The following CLVS1 variants were observed in gnomAD, a reference collection of about 807,000 sequenced individuals.
The protein encoded by CLVS1 is clavesin-1.
CLVS1 carries 10 observed loss-of-function variants against 33.1 expected under a neutral mutation model. The ratio of observed to expected loss-of-function variants is 0.30; its 90% CI spans 0.19 to 0.51. The LOEUF (loss-of-function observed/expected upper bound fraction) is 0.51. Ranked by LOEUF, CLVS1 falls within the 20% of genes least tolerant of loss-of-function variation. The pLI is 0.97. For synonymous variants in CLVS1, 163 were observed against 166.1 expected (o/e 0.98, Z 0.14); for missense variants, 343 against 433.4 (o/e 0.79, Z 1.85).
At chr8:60,984,451 G>A in the CLVS1 span, among the ~76,000 whole-genome samples, 1 of 151,764 alleles carries the variant, frequency 6.6e-6, no homozygotes, top group Non-Finnish European at 1.5e-5. Context: ...CTCCTGAGTA[G>A]CTGAGATCTG....
the CLVS1 span, among the ~76,000 whole-genome samples, chr8:61,016,282 C>A: frequency 6.6e-6 from 1 of 152,230 alleles, no homozygotes; most frequent in South Asian, 2.1e-4. Flanking sequence ...TGGTCTCAAG[C>A]ATTTTGGGTA....
In CLVS1 at chr8:61,442,374, T is replaced by C. The variant is rs577775533; in HGVS notation, c.631-11767T>C. Among the ~76,000 whole-genome samples the C allele has an allele frequency of 4.2e-4, 64 of 152,338 alleles. No homozygotes were observed. In the Middle Eastern group the frequency reaches 0.01, roughly 24 times the overall value. On this transcript the variant is annotated intron_variant, in intron 3 of 5. Coordinates refer to ENST00000325897, the MANE Select transcript of CLVS1 (RefSeq NM_173519.3). ...GGGACATGTGAGTTGTTTCCACTTT[T>C]TATTACAAATAGAGCTGCTGTGAGT...
At chr8:61,452,650 A>C (rs1319771999) in intron 3 of CLVS1, among the ~76,000 whole-genome samples, 1 of 152,244 alleles carries the variant, frequency 6.6e-6, no homozygotes, top group Non-Finnish European at 1.5e-5. Context: ...TTGGAATAGC[A>C]AGTTAGTGTA....
intron 1 of CLVS1, among the ~76,000 whole-genome samples, chr8:61,088,487 CAAAAAAAA>C (rs59394782): frequency 9.5e-6 from 1 of 105,336 alleles, no homozygotes; most frequent in African/African-American, 3.1e-5. Flanking sequence ...GAGACTGTCT[CAAAAAAAA>C]AAAAAAAAAA....
At chr8:61,360,707 A>G (rs993619162) in intron 2 of CLVS1, among the ~76,000 whole-genome samples, 4 of 152,206 alleles carry the variant, frequency 2.6e-5, no homozygotes, top group Admixed American at 2.6e-4. Context: ...ATTAGGCATA[A>G]GAAAGAATAT....
At chr8:61,425,607 C>T (rs913834576) in intron 3 of CLVS1, among the ~76,000 whole-genome samples, 1 of 152,182 alleles carries the variant, frequency 6.6e-6, no homozygotes, top group Non-Finnish European at 1.5e-5. Context: ...CAGTCACCCC[C>T]AGTACTCCCC....
chr8:61,279,064 G>A (rs1393984968), intron 2 of CLVS1, among the ~76,000 whole-genome samples: 1 of 152,216 alleles, frequency 6.6e-6, no homozygotes, highest in Non-Finnish European at 1.5e-5. Flanking sequence ...AGATTTTAGG[G>A]TGTGGGAGCC....
chr8:61,050,041 C>A, the CLVS1 span, among the ~76,000 whole-genome samples: 4 of 152,248 alleles, frequency 2.6e-5, no homozygotes, highest in Non-Finnish European at 5.9e-5. Context: ...CTGCTGAATG[C>A]GCACTGGACT....
At chr8:61,205,895 T>C (rs1308764209) in intron 2 of CLVS1, among the ~76,000 whole-genome samples, 1 of 152,208 alleles carries the variant, frequency 6.6e-6, no homozygotes, top group African/African-American at 2.4e-5. Flanking sequence ...CTAAATTGTT[T>C]ATATTTTTAG....
At chr8:61,011,287 A>G in the CLVS1 span, among the ~76,000 whole-genome samples, 6 of 152,018 alleles carry the variant, frequency 3.9e-5, no homozygotes, top group Non-Finnish European at 7.4e-5. Context: ...TAAATTCCCA[A>G]TTCTTACTGT....
At chr8:61,332,963 C>A (rs900252614) in intron 2 of CLVS1, among the ~76,000 whole-genome samples, 1 of 152,200 alleles carries the variant, frequency 6.6e-6, no homozygotes, top group African/African-American at 2.4e-5. Context: ...CTTCCATCTT[C>A]ATGTATAAAG....
the CLVS1 span, among the ~76,000 whole-genome samples, chr8:60,976,096 C>A: frequency 1.3e-5 from 2 of 152,180 alleles, no homozygotes; most frequent in East Asian, 3.8e-4. Context: ...TTTGATCTTT[C>A]AATTCTGACC....
intron 5 of CLVS1, among the ~76,000 whole-genome samples, chr8:61,476,207 G>A (rs1817922237): frequency 6.6e-6 from 1 of 152,164 alleles, no homozygotes; most frequent in Non-Finnish European, 1.5e-5. Context: ...TAGCCTTGTA[G>A]CATAGTTTGA....
intron 5 of CLVS1, among the ~76,000 whole-genome samples, chr8:61,461,240 A>G (rs1817355315): frequency 6.6e-6 from 1 of 152,230 alleles, no homozygotes; most frequent in Non-Finnish European, 1.5e-5. Context: ...AAAATGAGTT[A>G]TCCAATTGGA....
intron 2 of CLVS1, among the ~76,000 whole-genome samples, chr8:61,166,835 C>T (rs1806875714): frequency 6.7e-6 from 1 of 150,002 alleles, no homozygotes; most frequent in South Asian, 2.1e-4. Context: ...GTTCTATGGT[C>T]AAAAGTCGCC....
chr8:61,277,613 G>A (rs1248624120), intron 2 of CLVS1, among the ~76,000 whole-genome samples: 2 of 152,098 alleles, frequency 1.3e-5, no homozygotes, highest in Non-Finnish European at 2.9e-5. Context: ...GGCCTCATTT[G>A]TTCTTCCCAA....
In CLVS1 at chr8:61,300,037, T is replaced by G; in HGVS notation, c.210T>G (p.Arg70=). 1 of 1,614,044 alleles carries G rather than the reference T, an allele frequency of 6.2e-7. No individual in the cohort carries two copies. ...CCAGGCCTGACATTGGATTTTTACG[T>G]ACAGATGATGCCTTCATCCTGAGAT... ...IITRPDIGFL[R]TDDAFILRFL... is the part of the protein sequence containing the mutation. The change falls in exon 2 of 6, where the codon CGT becomes CGG. Residue 70 remains arginine (R), a synonymous_variant. Transcript: ENST00000325897.
At position 61,183,264 on chromosome 8, in the gene CLVS1, G is replaced by A. The variant is rs539319514; in HGVS notation, c.-152+51404G>A. On this transcript the variant is annotated intron_variant, in intron 2 of 2. Coordinates refer to the CLVS1 transcript ENST00000522621. The stretch of plus-strand genomic sequence containing the variant: ...GGTTCAGCAAACCACCATGGCACAC[G>A]TTTACCTGTGTAACAAACCTGCATG... Among the ~76,000 whole-genome samples the A allele has an allele frequency of 4.1e-4, 63 of 152,230 alleles. 1 individual carries two copies. The highest frequency in any genetic ancestry group is 3.4e-3 in the Admixed American group (52 of 15,300).
At chr8:61,479,546 G>A (rs201029812) in intron 5 of CLVS1, among the ~76,000 whole-genome samples, 5 of 152,100 alleles carry the variant, frequency 3.3e-5, no homozygotes, top group East Asian at 1.9e-4. Flanking sequence ...CCTTTAGCTC[G>A]GAGTAGTTGA....
Sources: gnomAD v4.1 joint callset for allele counts (sites outside exome capture counted in the v4.1 genomes callset) on GRCh38, gnomAD v4.1.1 for gene constraint, MANE v1.5 for transcripts, NCBI Gene and HGNC (gene_info 2026-07-23, HGNC 2026-07-21) for gene names.